SLC9C1: variants seen among roughly 807,000 people sequenced by gnomAD.
SLC9C1 encodes solute carrier family 9 member C1.
A neutral mutation model predicts 140.9 loss-of-function variants in SLC9C1; 97 were observed. The ratio of observed to expected loss-of-function variants is 0.69; its 90% CI spans 0.58 to 0.82. SLC9C1 has a LOEUF of 0.82. Ranked by LOEUF, SLC9C1 falls within the 40% of genes least tolerant of loss-of-function variation. SLC9C1 has a pLI of 0.00. For missense variants in SLC9C1, 1,340 were observed against 1,389.3 expected (o/e 0.96, Z 0.56); for synonymous variants, 440 against 442.6 (o/e 0.99, Z 0.07).
In SLC9C1 at chr3:112,278,800, A is replaced by T. The variant is rs780682423; in HGVS notation, c.247T>A (p.Phe83Ile). The T allele has an allele frequency of 6.2e-7, 1 of 1,611,446 alleles. No individual in the cohort carries two copies. The highest frequency in any genetic ancestry group is 8.5e-7 in the Non-Finnish European group (1 of 1,178,864). Residue 83 changes from phenylalanine (F) to isoleucine (I), a missense_variant, in exon 4 of 29, where the codon TTT becomes ATT. Coordinates refer to ENST00000305815, the MANE Select transcript of SLC9C1 (RefSeq NM_183061.3). ...GTAGTAAAGAAAACTACTGGTGTAA[A>T]TATACGAAAAAATAAGTCTGGACTC... ...WMSPDLFFRI[F>I]TPVVFFTTAF...
intron 6 of SLC9C1, among the ~76,000 whole-genome samples, chr3:112,274,207 C>T (rs555396935): frequency 3.9e-5 from 6 of 152,124 alleles, no homozygotes; most frequent in Non-Finnish European, 8.8e-5. Flanking sequence ...CAGAGAGGAG[C>T]ACATAAGATG....
chr3:112,278,682 A>T (rs2080279868), intron 4 of SLC9C1, 47 bp downstream of exon 4: 2 of 1,551,126 alleles, frequency 1.3e-6, no homozygotes, highest in Non-Finnish European at 1.7e-6. Context: ...GAACATAGAT[A>T]ATATGTGGTT....
chr3:112,199,418 T>A lies in SLC9C1; in HGVS notation c.2426A>T (p.Glu809Val). 1 of 1,599,662 alleles carries A rather than the reference T, an allele frequency of 6.3e-7. No individual in the cohort carries two copies. Among genetic ancestry groups the A allele is most frequent in the African/African-American group, 1.3e-5 (1 of 74,556 alleles). The change falls in exon 20 of 29, where the codon GAA becomes GTA. Residue 809 changes from glutamate (E) to valine (V), a missense_variant. Transcript: ENST00000305815. ...CATATTGAGCATAACATTAATTTCT[T>A]CCTTTGTTTTCACAGTGACAGCAAT... is the stretch of plus-strand genomic sequence containing the variant. ...PEIAVTVKTK[E>V]EINVMLNMAT...
In SLC9C1 at chr3:112,277,575, C is replaced by G. The variant is rs545368764; in HGVS notation, c.484+120G>C. On this transcript the variant is annotated intron_variant, in intron 5 of 28. Transcript: ENST00000305815. ...AGAATCTCTGCTTAATCCTCAACCC[C>G]CAATCCCTCACTACCTGACTTCTCA... 13 of 843,794 alleles carry G rather than the reference C, an allele frequency of 1.5e-5. No individual in the cohort carries two copies. The East Asian group carries it at 4.0e-4, about 26-fold the overall frequency. The allele number at this position is 843,794 out of a possible 1,614,324, so 52.3% of individuals were successfully genotyped here.
chr3:112,217,594 T>A, intron 14 of SLC9C1, 33 bp from the exon 15 acceptor site: 1 of 1,539,564 alleles, frequency 6.5e-7, no homozygotes, highest in Non-Finnish European at 8.7e-7. Flanking sequence ...AAACATGCTT[T>A]AAACATTTTG....
At chr3:112,141,352 A>G in intron 28 of SLC9C1, 71 bp from the exon 29 acceptor site, 1 of 1,501,834 alleles carries the variant, frequency 6.7e-7, no homozygotes, top group South Asian at 1.3e-5. Flanking sequence ...CTTACAACCC[A>G]GAATAGGATG....
At chr3:112,255,707 G>A (rs1454170600) in intron 10 of SLC9C1, among the ~76,000 whole-genome samples, 1 of 152,068 alleles carries the variant, frequency 6.6e-6, no homozygotes, top group East Asian at 1.9e-4. Flanking sequence ...AAAGCTAACA[G>A]AAGATAAGAA....
intron 26 of SLC9C1, among the ~76,000 whole-genome samples, chr3:112,163,730 G>A (rs1009168131): frequency 4.6e-5 from 7 of 152,174 alleles, no homozygotes; most frequent in African/African-American, 1.7e-4. Flanking sequence ...GTGTGGTGCT[G>A]AAAAAAATGT....
At chr3:112,167,031 A>T (rs916057410) in intron 26 of SLC9C1, among the ~76,000 whole-genome samples, 190 bp downstream of exon 26, 10 of 152,160 alleles carry the variant, frequency 6.6e-5, no homozygotes, top group African/African-American at 1.4e-4. Flanking sequence ...TATGGATGAA[A>T]TATATAATAA....
intron 10 of SLC9C1, among the ~76,000 whole-genome samples, chr3:112,260,751 C>A (rs1440237398): frequency 6.6e-6 from 1 of 152,100 alleles, no homozygotes; most frequent in African/African-American, 2.4e-5. Context: ...GAGGTTTATA[C>A]ACCATGGCTA....
At chr3:112,147,969 C>A (rs2074853882) in intron 28 of SLC9C1, among the ~76,000 whole-genome samples, 2 of 152,036 alleles carry the variant, frequency 1.3e-5, no homozygotes, top group African/African-American at 4.8e-5. Flanking sequence ...TTTTAAAATT[C>A]TTTTAAACTT....
intron 17 of SLC9C1, 44 bp from the exon 18 acceptor site, chr3:112,202,443 C>A: frequency 6.5e-7 from 1 of 1,534,460 alleles, no homozygotes; most frequent in East Asian, 2.3e-5. Context: ...GCACAAATAT[C>A]ATTTTATGAT....
chr3:112,203,195 C>T (rs532745508), intron 17 of SLC9C1, among the ~76,000 whole-genome samples: 4 of 152,142 alleles, frequency 2.6e-5, no homozygotes, highest in Non-Finnish European at 5.9e-5. Context: ...AATTCATCTT[C>T]ATATTCCAAG....
chr3:112,233,809 C>T (rs1242588055), intron 12 of SLC9C1, among the ~76,000 whole-genome samples: 1 of 152,038 alleles, frequency 6.6e-6, no homozygotes, highest in Non-Finnish European at 1.5e-5. Context: ...AGGACATGAA[C>T]TCATCATTTT....
chr3:112,275,119 A>G (rs1417845041), intron 5 of SLC9C1, 94 bp from the exon 6 acceptor site: 2 of 1,332,508 alleles, frequency 1.5e-6, no homozygotes, highest in Non-Finnish European at 1.0e-6. Context: ...AACTATAAGG[A>G]TGGTCTTAGC....
intron 20 of SLC9C1, among the ~76,000 whole-genome samples, chr3:112,189,840 T>C (rs982137275): frequency 1.3e-5 from 2 of 152,196 alleles, no homozygotes; most frequent in African/African-American, 4.8e-5. Flanking sequence ...GCCATTTTCA[T>C]GATATTGATT....
intron 7 of SLC9C1, among the ~76,000 whole-genome samples, chr3:112,269,014 C>CT (rs761745368): frequency 5.9e-5 from 9 of 152,200 alleles, no homozygotes; most frequent in Non-Finnish European, 1.0e-4. Context: ...GATAGATACT[C>CT]TAACATTTAG....
chr3:112,259,473 C>T (rs762574406), intron 10 of SLC9C1, among the ~76,000 whole-genome samples: 8 of 149,748 alleles, frequency 5.3e-5, no homozygotes, highest in Non-Finnish European at 8.9e-5. Flanking sequence ...GTGTCCTTTG[C>T]AGCAACATGG....
At chr3:112,290,110 T>A (rs2080634388) in intron 1 of SLC9C1, among the ~76,000 whole-genome samples, 1 of 152,218 alleles carries the variant, frequency 6.6e-6, no homozygotes, top group African/African-American at 2.4e-5. Context: ...AACATCAAAC[T>A]ATTGAGAAAA....
Sources: allele counts gnomAD v4.1 joint callset (sites outside exome capture counted in the v4.1 genomes callset), GRCh38; gene constraint gnomAD v4.1.1; transcripts MANE v1.5; gene names NCBI Gene and HGNC (gene_info 2026-07-23, HGNC 2026-07-21).